SORL1: variants seen among roughly 807,000 people sequenced by gnomAD.
SORL1 encodes sortilin-related receptor.
A neutral mutation model predicts 273.7 loss-of-function variants in SORL1; 127 were observed. The observed-to-expected ratio is 0.46, with a 90% CI of 0.40 to 0.54. SORL1 has a LOEUF of 0.54. Among genes scored for constraint, SORL1 ranks in the 20% least tolerant of loss-of-function variants. SORL1 has a pLI of 0.00. For missense variants in SORL1, 2,494 were observed against 2,846.1 expected (o/e 0.88, Z 2.81); for synonymous variants, 1,031 against 1,067.4 (o/e 0.97, Z 0.66).
At chr11:121,568,077 A>AG (rs796807574) in intron 22 of SORL1, among the ~76,000 whole-genome samples, 12 of 151,966 alleles carry the variant, frequency 7.9e-5, no homozygotes, top group Non-Finnish European at 5.9e-5. Flanking sequence ...TATAGGGACG[A>AG]GGTCTCACTT....
intron 11 of SORL1, among the ~76,000 whole-genome samples, chr11:121,528,553 T>C (rs1394506355): frequency 6.6e-6 from 1 of 152,226 alleles, no homozygotes. Flanking sequence ...TTAGTATTAT[T>C]CAGTCATCAT....
At position 121,563,895 on chromosome 11, in the gene SORL1, G is replaced by A. The variant is rs1387157196; in HGVS notation, c.3050-3045G>A. 6.6e-6 allele frequency among the ~76,000 whole-genome samples: 1 copy of A among 152,090 alleles called. No homozygotes were observed. Among genetic ancestry groups the A allele is most frequent in the East Asian group, 1.9e-4 (1 of 5,190 alleles). On this transcript the variant is annotated intron_variant, in intron 21 of 47. Coordinates refer to ENST00000260197, the MANE Select transcript of SORL1 (RefSeq NM_003105.6). This position sits in a 1 kb window ranked among gnomAD's most constrained non-coding sequence, Gnocchi z 4.2. ...ATGTGCTTTTAAGTATCTATAATGA[G>A]GGCACATATTTATTATTTGAGGTAG...
intron 30 of SORL1, chr11:121,590,642 G>A (rs1026215364): frequency 1.2e-5 from 7 of 604,006 alleles, no homozygotes; most frequent in African/African-American, 3.7e-5. Context: ...GAGTAGTTGC[G>A]GTTGAATTAA....
Position 121,590,032 on chromosome 11 carries a change from C to A in SORL1, c.4079-8C>A. On this transcript the variant is annotated splice_polypyrimidine_tract_variant and splice_region_variant and intron_variant, in intron 29 of 47. Coordinates refer to ENST00000260197, the MANE Select transcript of SORL1 (RefSeq NM_003105.6). ...GAAAGCAACTGATGATGTGGTTGAT[C>A]TCTGCAGAAAACCCCACAGAAGCCC... 1 of 1,613,640 alleles carries A rather than the reference C, an allele frequency of 6.2e-7. No homozygotes were observed. The highest frequency in any genetic ancestry group is 1.3e-5 in the African/African-American group (1 of 75,014).
intron 23 of SORL1, among the ~76,000 whole-genome samples, chr11:121,572,413 C>G (rs1377171708): frequency 6.6e-6 from 1 of 152,182 alleles, no homozygotes; most frequent in Non-Finnish European, 1.5e-5. Context: ...ACCCCGAGAC[C>G]TACTTTCTGC....
chr11:121,456,445 A>G, intron 1 of SORL1, among the ~76,000 whole-genome samples: 1 of 152,222 alleles, frequency 6.6e-6, no homozygotes, highest in South Asian at 2.1e-4. Context: ...TAGGAAGCAC[A>G]TTCACATTAT....
chr11:121,492,864 C>T (rs752975299), intron 5 of SORL1, among the ~76,000 whole-genome samples: 1 of 148,090 alleles, frequency 6.8e-6, no homozygotes, highest in African/African-American at 2.5e-5. Context: ...AGTGCAGTGG[C>T]GTGATCTTGG....
Position 121,554,084 on chromosome 11 carries a change from C to T in SORL1, c.2414C>T (p.Ser805Phe), listed in dbSNP as rs751766803. 4 of 1,614,050 alleles carry T rather than the reference C, an allele frequency of 2.5e-6. No homozygotes were observed. In the East Asian group the frequency reaches 8.9e-5, roughly 36 times the overall value. ...FDYEHNCLYWSDLALDVIQRL... is the reference protein window; with the variant it reads ...FDYEHNCLYWFDLALDVIQRL... ...TATGAGCACAACTGTTTGTATTGGT[C>T]CGACCTGGCCTTGGACGTCATCCAG... The change falls in exon 17 of 48, where the codon TCC (serine) becomes TTC (phenylalanine). Residue 805 changes from serine (S) to phenylalanine (F), a missense_variant. Ser to Phe is a radical substitution (Grantham distance 155). This residue lies in a region of SORL1 where 710 missense variants were observed against 882.5 expected (regional missense o/e 0.80). Transcript: ENST00000260197. The surrounding 1 kb of genome is among the most constrained non-coding windows in gnomAD (Gnocchi z 4.6).
At chr11:121,611,472 G>A (rs1218793093) in intron 39 of SORL1, 1 of 194,528 alleles carries the variant, frequency 5.1e-6, no homozygotes, top group East Asian at 1.3e-4. Flanking sequence ...GTAATTTTCA[G>A]CTTTATTGGA....
At chr11:121,552,363 G>A (rs567421071) in intron 16 of SORL1, among the ~76,000 whole-genome samples, 17 of 152,158 alleles carry the variant, frequency 1.1e-4, no homozygotes, top group African/African-American at 2.7e-4. Context: ...TAAGCATTGC[G>A]CGCTGGAATG....
In SORL1 at chr11:121,452,597, CCAT is replaced by C. The variant is rs1860821159; in HGVS notation, c.269_271del (p.Ile90del). 2.0e-6 allele frequency: 3 copies of C among 1,518,994 alleles called. No homozygotes were observed. In the South Asian group the frequency reaches 3.6e-5, roughly 18 times the overall value. 94.1% of individuals were successfully genotyped at this position (1,518,994 alleles called of 1,614,324 possible). A position where few individuals can be genotyped will look rare whatever the true frequency, so the allele number is the denominator to read the frequency against. ...CGGAGCGCTGCCCTGCAGCCCGAGC[CCAT>C]CAAGGTGTACGGACAGGTGAGCAGT... On this transcript the variant is annotated inframe_deletion, in exon 1 of 48. Coordinates refer to ENST00000260197, the MANE Select transcript of SORL1 (RefSeq NM_003105.6). The surrounding 1 kb of genome is among the most constrained non-coding windows in gnomAD (Gnocchi z 5.3).
At chr11:121,578,263 T>C (rs3781837) in intron 25 of SORL1, among the ~76,000 whole-genome samples, 4,238 of 152,284 alleles carry the variant, frequency 0.028, 163 homozygotes, top group East Asian at 0.21. Context: ...CAGATCTGTT[T>C]TTACACTCGG....
At chr11:121,562,591 G>A (rs1254250891) in intron 21 of SORL1, among the ~76,000 whole-genome samples, 1 of 152,188 alleles carries the variant, frequency 6.6e-6, no homozygotes, top group Admixed American at 6.5e-5. Context: ...TTAGGAGCCG[G>A]CTGGGTTATC....
chr11:121,466,542 C>A (rs1418237984), intron 1 of SORL1, among the ~76,000 whole-genome samples: 1 of 152,150 alleles, frequency 6.6e-6, no homozygotes, highest in Non-Finnish European at 1.5e-5. Flanking sequence ...TTGTTGACTT[C>A]TTTTCTTTCC....
intron 5 of SORL1, among the ~76,000 whole-genome samples, chr11:121,490,960 T>C (rs199719690): frequency 6.6e-6 from 1 of 152,128 alleles, no homozygotes; most frequent in East Asian, 1.9e-4. Context: ...AGAGAGGATT[T>C]ATCCTTCCAG....
rs1482471471 is a variant in SORL1, at chr11:121,520,539, AT to A, written c.1212-116del. On this transcript the variant is annotated intron_variant, in intron 8 of 47. Transcript: ENST00000260197. Reference sequence around the variant, plus strand: ...TAGATAGTAATGATAGTTGCACAACATTGTGAATGTGCTTAATGCCACAAAA... The same window carrying A: ...TAGATAGTAATGATAGTTGCACAACATGTGAATGTGCTTAATGCCACAAAA... 21 of 627,654 alleles carry A rather than the reference AT, an allele frequency of 3.3e-5. No individual in the cohort carries two copies. In the African/African-American group the frequency reaches 3.7e-4, roughly 11 times the overall value. The allele number at this position is 627,654 out of a possible 1,614,324, so 38.9% of individuals were successfully genotyped here. A position where few individuals can be genotyped will look rare whatever the true frequency, so the allele number is the denominator to read the frequency against.
At chr11:121,598,164 C>T (rs1189256820) in intron 32 of SORL1, among the ~76,000 whole-genome samples, 1 of 152,052 alleles carries the variant, frequency 6.6e-6, no homozygotes, top group African/African-American at 2.4e-5. Flanking sequence ...TATCTTAGAT[C>T]ACTTGGACTT....
rs748625296 is a variant in SORL1, at chr11:121,520,643, T to C, written c.1212-14T>C. On this transcript the variant is annotated splice_polypyrimidine_tract_variant and intron_variant, in intron 8 of 47. Coordinates refer to ENST00000260197, the MANE Select transcript of SORL1 (RefSeq NM_003105.6). Reference sequence around the variant, plus strand: ...ACCAATTCAGGTTCATAGCTGTTTATTTTCATATTGTAGGTATTTTGCAAA... The same window carrying C: ...ACCAATTCAGGTTCATAGCTGTTTACTTTCATATTGTAGGTATTTTGCAAA... 2.2e-5 allele frequency: 34 copies of C among 1,539,466 alleles called. No individual in the cohort carries two copies. Among genetic ancestry groups the C allele is most frequent in the Non-Finnish European group, 2.9e-5 (33 of 1,138,362 alleles).
At chr11:121,584,567 A>G (rs1470345422) in intron 26 of SORL1, among the ~76,000 whole-genome samples, 1 of 151,990 alleles carries the variant, frequency 6.6e-6, no homozygotes, top group African/African-American at 2.4e-5. Flanking sequence ...TGCAAAGGCT[A>G]TCTATGACTG....
Sources: gnomAD v4.1 joint callset for allele counts (sites outside exome capture counted in the v4.1 genomes callset) on GRCh38, gnomAD v4.1.1 for gene constraint, gnomAD v4.1.1 regional missense constraint, Gnocchi (gnomAD v3.1) non-coding constraint, MANE v1.5 for transcripts, NCBI Gene and HGNC (gene_info 2026-07-23, HGNC 2026-07-21) for gene names.